The following LCP2 variants were observed in gnomAD, a reference collection of about 807,000 sequenced individuals.
The protein encoded by LCP2 is 76 kDa tyrosine phosphoprotein.
LCP2 carries 29 observed loss-of-function variants against 74.5 expected under a neutral mutation model. That is an observed-to-expected ratio of 0.39 (90% confidence interval 0.29 to 0.53). The LOEUF (loss-of-function observed/expected upper bound fraction) is 0.53, where lower values mean the gene tolerates loss of function less well. LCP2 is among the 20% of genes least tolerant of loss of function. The pLI, the probability that LCP2 is intolerant of heterozygous loss-of-function variation, is 0.72. For missense variants in LCP2, 604 were observed against 634.6 expected (o/e 0.95, Z 0.52); for synonymous variants, 228 against 229.5 (o/e 0.99, Z 0.06).
In LCP2 at chr5:170,247,094, G is replaced by A. The variant is rs1483700786; in HGVS notation, c.*1603C>T. The stretch of plus-strand genomic sequence containing the variant: ...AGAATACGGCAAAGCAAGACAAGTG[G>A]AGCTTACTCGATACTAGAACCTATG... On this transcript the variant is annotated 3_prime_UTR_variant, in exon 21 of 21. Coordinates refer to ENST00000046794, the MANE Select transcript of LCP2 (RefSeq NM_005565.5). 4 of 152,182 alleles carry A rather than the reference G, an allele frequency of 2.6e-5. No individual in the cohort carries two copies. Among genetic ancestry groups the A allele is most frequent in the African/African-American group, 4.8e-5 (2 of 41,452 alleles). The allele number at this position is 152,182 out of a possible 1,614,324, so 9.4% of individuals were successfully genotyped here.
chr5:170,291,834 G>A (rs569949131), intron 2 of LCP2, among the ~76,000 whole-genome samples: 110 of 152,302 alleles, frequency 7.2e-4, no homozygotes, highest in African/African-American at 2.6e-3. Context: ...TGTTCTCAGT[G>A]CTAATAGCAC....
At chr5:170,251,955 C>T (rs954136976) in intron 19 of LCP2, 21 of 246,362 alleles carry the variant, frequency 8.5e-5, no homozygotes, top group South Asian at 4.6e-4. Flanking sequence ...GCACTGGCTA[C>T]GGGAAATATG....
At chr5:170,289,671 T>TCTC (rs1491371542) in intron 2 of LCP2, among the ~76,000 whole-genome samples, 22 of 84,134 alleles carry the variant, frequency 2.6e-4, no homozygotes, top group African/African-American at 8.4e-4. Flanking sequence ...CTTTCTTTCT[T>TCTC]TCTCTCTCTC....
chr5:170,250,660 C>A, intron 20 of LCP2, 70 bp downstream of exon 20: 30 of 1,200,742 alleles, frequency 2.5e-5, no homozygotes, highest in Non-Finnish European at 3.6e-5. Context: ...TCTCAAAGAT[C>A]GCTCCATGAA....
intron 2 of LCP2, 104 bp from the exon 3 acceptor site, chr5:170,288,120 T>A: frequency 8.2e-7 from 1 of 1,220,234 alleles, no homozygotes; most frequent in Non-Finnish European, 1.2e-6. Flanking sequence ...TGGTGGGGAC[T>A]GTGGCAAACA....
intron 1 of LCP2, among the ~76,000 whole-genome samples, chr5:170,295,099 C>A (rs184969075): frequency 1.3e-5 from 2 of 152,130 alleles, no homozygotes; most frequent in African/African-American, 2.4e-5. Flanking sequence ...GGGATACCAG[C>A]TGGGACCCCA....
rs552339587 is a variant in LCP2, at chr5:170,255,163, A to T, written c.1150+1363T>A. Among the ~76,000 whole-genome samples, 93 of 152,302 alleles carry T rather than the reference A, an allele frequency of 6.1e-4. 1 individual carries two copies. In the South Asian group the frequency reaches 0.018, roughly 30 times the overall value. On this transcript the variant is annotated intron_variant, in intron 17 of 20. Coordinates refer to ENST00000046794, the MANE Select transcript of LCP2 (RefSeq NM_005565.5). ...ACAGAGAATTTTGGGGATTGTGGAA[A>T]ATTAGGGGTTGGGCGAGAAACTGTG...
At chr5:170,262,262 C>T (rs957903367) in intron 13 of LCP2, among the ~76,000 whole-genome samples, 2 of 152,156 alleles carry the variant, frequency 1.3e-5, no homozygotes, top group South Asian at 4.1e-4. Flanking sequence ...CCTCCCCCAA[C>T]CATTTCCTGT....
intron 3 of LCP2, among the ~76,000 whole-genome samples, chr5:170,281,186 A>G (rs552470580): frequency 1.3e-5 from 2 of 152,230 alleles, no homozygotes; most frequent in East Asian, 3.9e-4. Context: ...AGGACTGACA[A>G]GAGCTGGGTC....
rs138436465 is a variant in LCP2 at position 170,273,177 on chromosome 5, C to T, written c.324+1124G>A. ...CCCTTGCAAAGAGCTGGGCACATAA[C>T]GGAGCTGCCAAGCTCTATAGCCACT... On this transcript the variant is annotated intron_variant, in intron 6 of 20. Transcript: ENST00000046794. Among the ~76,000 whole-genome samples the T allele has an allele frequency of 3.3e-3, 495 of 152,232 alleles. 2 individuals are homozygous for T. Among genetic ancestry groups the T allele is most frequent in the Non-Finnish European group, 5.1e-3 (349 of 68,020 alleles).
rs1198491559 is a variant in LCP2 at position 170,248,149 on chromosome 5, T to A, written c.*548A>T. The A allele has an allele frequency of 6.6e-6, 1 of 152,374 alleles. No homozygotes were observed. The highest frequency in any genetic ancestry group is 2.4e-5 in the African/African-American group (1 of 41,432). 9.4% of individuals were successfully genotyped at this position (152,374 alleles called of 1,614,324 possible). ...ATGCATTTGTCTTTTCATAAAAAAA[T>A]TACGTAAAAATGCCCCCAGGAAAAA... On this transcript the variant is annotated 3_prime_UTR_variant, in exon 21 of 21. Transcript: ENST00000046794.
chr5:170,258,147 G>A lies in LCP2; in HGVS notation c.990C>T (p.Pro330=). The A allele has an allele frequency of 6.2e-7, 1 of 1,613,908 alleles. No homozygotes were observed. Among genetic ancestry groups the A allele is most frequent in the South Asian group, 1.1e-5 (1 of 91,080 alleles). The change falls in exon 16 of 21, where the codon CCC becomes CCT. Residue 330 remains proline, a synonymous_variant. Transcript: ENST00000046794. The part of the protein sequence containing the change: ...DEDDVHQRPL[P]QPALLPMSSN... The stretch of plus-strand genomic sequence containing the variant: ...AGCTCATAGGAAGTAGTGCTGGCTG[G>A]GGCAAAGGTCTCTGATGCACTGTGC...
rs879280221 is a variant in LCP2, at chr5:170,247,617, G to A, written c.*1080C>T. ...ATCTGGCTGAATGCCTATATTTTTT[G>A]TTAAGTGATATTTGTAAACTGGAGG... On this transcript the variant is annotated 3_prime_UTR_variant, in exon 21 of 21. Transcript: ENST00000046794. 6.6e-6 allele frequency: 1 copy of A among 152,128 alleles called. No individual in the cohort carries two copies. Among genetic ancestry groups the A allele is most frequent in the Non-Finnish European group, 1.5e-5 (1 of 68,016 alleles). 9.4% of individuals were successfully genotyped at this position (152,128 alleles called of 1,614,324 possible).
rs1320592006 is a variant in LCP2 at position 170,274,298 on chromosome 5, C to T, written c.324+3G>A. The T allele has an allele frequency of 6.2e-7, 1 of 1,613,138 alleles. No individual in the cohort carries two copies. The highest frequency in any genetic ancestry group is 8.5e-7 in the Non-Finnish European group (1 of 1,179,592). ...GTGCAAGAACAGCCCACACCATACT[C>T]ACAAAGGACGACCAGCCCCCATTGT... On this transcript the variant is annotated splice_donor_region_variant and intron_variant, in intron 6 of 20. Transcript: ENST00000046794.
chr5:170,276,141 C>G (rs73804024), intron 3 of LCP2, among the ~76,000 whole-genome samples: 6,580 of 152,258 alleles, frequency 0.043, 480 homozygotes, highest in African/African-American at 0.15. Flanking sequence ...AGAGCTCCCC[C>G]TTAAAGACTT....
intron 2 of LCP2, among the ~76,000 whole-genome samples, chr5:170,291,230 G>GAAGGAAGA (rs1396648881): frequency 5.7e-5 from 8 of 139,154 alleles, no homozygotes; most frequent in East Asian, 2.4e-4. Flanking sequence ...AGGAAGAAAG[G>GAAGGAAGA]AAGGAAGGAA....
rs41315930 is a variant in LCP2, at chr5:170,258,897, A to T, written c.958-19T>A. 12 of 1,555,626 alleles carry T rather than the reference A, an allele frequency of 7.7e-6. No homozygotes were observed. The highest frequency in any genetic ancestry group is 1.4e-5 in the African/African-American group (1 of 73,870). On this transcript the variant is annotated intron_variant, in intron 14 of 20. Transcript: ENST00000046794. The stretch of plus-strand genomic sequence containing the variant: ...CTTCATCCTGGGAAGGGGAAGAAAA[A>T]AAAAGATATTAAGCTATCATCAAAA...
chr5:170,283,864 G>T (rs1376996162), intron 3 of LCP2, among the ~76,000 whole-genome samples: 1 of 152,092 alleles, frequency 6.6e-6, no homozygotes. Context: ...TTAACTTAGG[G>T]TCCCTTCCTC....
At position 170,287,018 on chromosome 5, in the gene LCP2, C is replaced by T. The variant is rs192009604; in HGVS notation, c.188+952G>A. ...AAAAATGGAGATATAGCACATGAAACCCATATTTCTAGTTATTCTTGATAA... is the reference window on the plus strand; with the variant it reads ...AAAAATGGAGATATAGCACATGAAATCCATATTTCTAGTTATTCTTGATAA... On this transcript the variant is annotated intron_variant, in intron 3 of 20. Transcript: ENST00000046794. Among the ~76,000 whole-genome samples the T allele has an allele frequency of 2.6e-5, 4 of 152,288 alleles. No homozygotes were observed. The East Asian group carries it at 7.7e-4, about 29-fold the overall frequency.
Sources: gnomAD v4.1 joint callset for allele counts (sites outside exome capture counted in the v4.1 genomes callset) on GRCh38, gnomAD v4.1.1 for gene constraint, MANE v1.5 for transcripts, NCBI Gene and HGNC (gene_info 2026-07-23, HGNC 2026-07-21) for gene names.